NOX1: variants seen among roughly 807,000 people sequenced by gnomAD.
The protein encoded by NOX1 is NADH/NADPH mitogenic oxidase subunit P65-MOX.
Under a neutral mutation model 42.5 loss-of-function variants are expected in NOX1, and 34 were observed. That is an observed-to-expected ratio of 0.80 (90% CI 0.61 to 1.07). The LOEUF is 1.07. Ranked by LOEUF, NOX1 falls within the 50% of genes least tolerant of loss-of-function variation. The probability of loss-of-function intolerance (pLI) is 0.00; values close to 1 mark genes in which losing one functional copy is unlikely to be tolerated. For missense variants in NOX1, 408 were observed against 427.0 expected (o/e 0.96, Z 0.39); for synonymous variants, 143 against 152.5 (o/e 0.94, Z 0.46).
intron 2 of NOX1, among the ~76,000 whole-genome samples, chrX:100,865,791 C>T (rs2085233130): frequency 1.8e-5 from 2 of 112,434 alleles, no homozygotes; most frequent in Admixed American, 1.9e-4. Context: ...AATACTCCCA[C>T]CATGCCAGAT....
At chrX:100,860,794 C>T (rs1194594272) in intron 7 of NOX1, among the ~76,000 whole-genome samples, 2 of 111,633 alleles carry the variant, frequency 1.8e-5, no homozygotes, top group East Asian at 5.6e-4. Flanking sequence ...CACAGGATCT[C>T]ACTGTCACCC....
At chrX:100,872,359 C>A (rs1021870141) in intron 1 of NOX1, among the ~76,000 whole-genome samples, 1 of 111,804 alleles carries the variant, frequency 8.9e-6, no homozygotes, top group Non-Finnish European at 1.9e-5. Context: ...GTAGGCAAGG[C>A]AAATGATGAA....
chrX:100,849,209 C>A, intron 11 of NOX1, 71 bp downstream of exon 11: 1 of 1,077,626 alleles, frequency 9.3e-7, no homozygotes, highest in South Asian at 2.0e-5. Flanking sequence ...ACTTCTAATC[C>A]ATATGCACTA....
intron 12 of NOX1, among the ~76,000 whole-genome samples, chrX:100,845,611 G>GTTT (rs773049273): frequency 1.0e-3 from 44 of 42,751 alleles, no homozygotes; most frequent in African/African-American, 3.2e-3. Context: ...GAAACTATGT[G>GTTT]TTTTTTTTTT....
chrX:100,863,334 C>T (rs2085218383), intron 3 of NOX1, 91 bp from the exon 4 acceptor site: 2 of 908,280 alleles, frequency 2.2e-6, no homozygotes, highest in South Asian at 4.1e-5. Context: ...ATATAGCATG[C>T]CAATACTCAC....
chrX:100,868,733 C>T (rs188182574), intron 2 of NOX1, among the ~76,000 whole-genome samples: 1 of 110,346 alleles, frequency 9.1e-6, no homozygotes, highest in Non-Finnish European at 1.9e-5. Context: ...TAAAAAAAAA[C>T]CAAACTCTTT....
chrX:100,860,425 G>A (rs1295505508), intron 7 of NOX1, among the ~76,000 whole-genome samples: 1 of 112,118 alleles, frequency 8.9e-6, no homozygotes, highest in African/African-American at 3.2e-5. Flanking sequence ...ATGCATAAGA[G>A]CATTTTTCCA....
At chrX:100,863,902 T>C (rs894841576) in intron 2 of NOX1, among the ~76,000 whole-genome samples, 3 of 112,423 alleles carry the variant, frequency 2.7e-5, no homozygotes, top group Admixed American at 9.5e-5. Context: ...GCTGTAACAT[T>C]TTACTTAATA....
rs181838038 is a variant in NOX1 at position 100,870,751 on chromosome X, C to T, written c.109G>A (p.Asp37Asn). Residue 37 changes from aspartate to asparagine, a missense_variant, in exon 2 of 13, where the codon GAC (aspartate) becomes AAC (asparagine). Transcript: ENST00000372966. ...ATTTTTCTTGTGTAGTAGTATTTGT[C>T]GGCCTTCTCATATTTCAGGAAGGCA... is the stretch of plus-strand genomic sequence containing the variant. Reference protein sequence around the residue: ...VDAFLKYEKADKYYYTRKILG... With the variant: ...VDAFLKYEKANKYYYTRKILG... 1.3e-4 allele frequency: 155 copies of T among 1,193,410 alleles called. 2 individuals are homozygous for T. Among genetic ancestry groups the T allele is most frequent in the South Asian group, 8.2e-4 (46 of 56,027 alleles).
intron 7 of NOX1, among the ~76,000 whole-genome samples, chrX:100,860,099 C>T (rs2085194112): frequency 9.0e-6 from 1 of 110,867 alleles, no homozygotes; most frequent in Non-Finnish European, 1.9e-5. Flanking sequence ...ACTCTACACA[C>T]TGCCCTGCCT....
rs1330350680 is a variant in NOX1 at position 100,863,474 on chromosome X, T to C, written c.252+11A>G. The C allele has an allele frequency of 1.7e-6, 2 of 1,203,488 alleles. No individual in the cohort carries two copies. Among genetic ancestry groups the C allele is most frequent in the Non-Finnish European group, 2.2e-6 (2 of 890,671 alleles). On this transcript the variant is annotated intron_variant, in intron 3 of 12. Transcript: ENST00000372966. Reference sequence around the variant, plus strand: ...AATGTGAAAGTTGACTTAGGAGTGGTTGGGACTCACTGAGCAGGTGCCCCT... The same window carrying C: ...AATGTGAAAGTTGACTTAGGAGTGGCTGGGACTCACTGAGCAGGTGCCCCT...
rs375756374 is a variant in NOX1 at position 100,849,244 on chromosome X, G to A, written c.1443+36C>T. On this transcript the variant is annotated intron_variant, in intron 11 of 12. Coordinates refer to ENST00000372966, the MANE Select transcript of NOX1 (RefSeq NM_007052.5). Reference sequence around the variant, plus strand: ...ATCCTTTGTCTGACATTCGTCTTATGTTTAGTAGGGGAATTAGTGTGTTAT... The same window carrying A: ...ATCCTTTGTCTGACATTCGTCTTATATTTAGTAGGGGAATTAGTGTGTTAT... 11 of 1,190,704 alleles carry A rather than the reference G, an allele frequency of 9.2e-6. No homozygotes were observed. The African/African-American group carries it at 1.9e-4, about 21-fold the overall frequency.
At position 100,874,141 on chromosome X, in the gene NOX1, G is replaced by T; in HGVS notation, c.-2C>A. On this transcript the variant is annotated 5_prime_UTR_variant, in exon 1 of 13. Transcript: ENST00000372966. ...GTGGTTAACCACCCAGTTTCCCATT[G>T]TCAAGAGGTGGTTTGGAGCCCTTCT... The T allele has an allele frequency of 8.3e-7, 1 of 1,199,543 alleles. No homozygotes were observed. Among genetic ancestry groups the T allele is most frequent in the South Asian group, 1.8e-5 (1 of 55,746 alleles).
chrX:100,854,923 C>T (rs1683810580), intron 7 of NOX1, among the ~76,000 whole-genome samples: 1 of 101,869 alleles, frequency 9.8e-6, no homozygotes, highest in Admixed American at 1.1e-4. Flanking sequence ...ACCAAGATGG[C>T]TTCAGTGTAG....
At chrX:100,867,932 C>T (rs2085249905) in intron 2 of NOX1, among the ~76,000 whole-genome samples, 1 of 110,720 alleles carries the variant, frequency 9.0e-6, no homozygotes, top group South Asian at 3.9e-4. Flanking sequence ...GAGACCTGCA[C>T]TTATACCCCC....
intron 2 of NOX1, 24 bp downstream of exon 2, chrX:100,870,695 A>C: frequency 1.1e-6 from 1 of 926,207 alleles, no homozygotes; most frequent in Non-Finnish European, 1.6e-6. Flanking sequence ...TAGAGATTCT[A>C]TCCGTGACAA....
intron 7 of NOX1, among the ~76,000 whole-genome samples, chrX:100,858,341 T>C (rs183139274): frequency 1.8e-5 from 2 of 112,301 alleles, no homozygotes; most frequent in South Asian, 3.8e-4. Context: ...TAGCCTTGTA[T>C]AGTTTGAAGT....
At chrX:100,860,519 T>A (rs1430445879) in intron 7 of NOX1, among the ~76,000 whole-genome samples, 1 of 111,639 alleles carries the variant, frequency 9.0e-6, no homozygotes, top group Middle Eastern at 4.3e-3. Flanking sequence ...TTATTTGGCA[T>A]TTTTTTCCAT....
At chrX:100,865,005 C>G (rs1011627996) in intron 2 of NOX1, among the ~76,000 whole-genome samples, 3 of 112,360 alleles carry the variant, frequency 2.7e-5, no homozygotes, top group African/African-American at 9.7e-5. Context: ...ATATCGTAAA[C>G]CCAGGAACAT....
Sources: gnomAD v4.1 joint callset for allele counts (sites outside exome capture counted in the v4.1 genomes callset) on GRCh38, gnomAD v4.1.1 for gene constraint, MANE v1.5 for transcripts, NCBI Gene and HGNC (gene_info 2026-07-23, HGNC 2026-07-21) for gene names.